SAMMSON: variants seen among roughly 807,000 people sequenced by gnomAD.
SAMMSON encodes the protein survival associated mitochondrial melanoma specific oncogenic non-coding RNA.
chr3:70,048,093 C>G (rs2067133811), intron 3 of SAMMSON, among the ~76,000 whole-genome samples: 1 of 151,976 alleles, frequency 6.6e-6, no homozygotes. Flanking sequence ...AGAGTTTAGA[C>G]TCTGGATTTA....
At chr3:70,416,713 C>A (rs1701267129) in intron 2 of SAMMSON, among the ~76,000 whole-genome samples, 1 of 152,038 alleles carries the variant, frequency 6.6e-6, no homozygotes, top group African/African-American at 2.4e-5. Flanking sequence ...CCACCCTCAT[C>A]TTAAACTGTT....
intron 2 of SAMMSON, among the ~76,000 whole-genome samples, chr3:70,432,645 C>G (rs1257301172): frequency 6.6e-6 from 1 of 151,866 alleles, no homozygotes; most frequent in Non-Finnish European, 1.5e-5. Flanking sequence ...ACTGATGAGC[C>G]AATATTGATG....
intron 4 of SAMMSON, among the ~76,000 whole-genome samples, chr3:70,163,376 G>A (rs1365965065): frequency 6.7e-6 from 1 of 149,584 alleles, no homozygotes; most frequent in African/African-American, 2.4e-5. Context: ...GAGAGAGAGA[G>A]TTATCTTTGG....
chr3:70,254,546 A>G (rs901062028), intron 6 of SAMMSON, among the ~76,000 whole-genome samples: 1 of 152,202 alleles, frequency 6.6e-6, no homozygotes, highest in African/African-American at 2.4e-5. Flanking sequence ...GGAACAATAA[A>G]TACAAATCTA....
intron 1 of SAMMSON, among the ~76,000 whole-genome samples, chr3:70,006,628 A>G (rs1334923520): frequency 6.6e-6 from 1 of 152,134 alleles, no homozygotes; most frequent in Non-Finnish European, 1.5e-5. Context: ...GATCAACCCT[A>G]AGACCTTTCC....
At chr3:70,336,853 TGTGTG>T in intron 7 of SAMMSON, among the ~76,000 whole-genome samples, 1 of 147,814 alleles carries the variant, frequency 6.8e-6, no homozygotes, top group Non-Finnish European at 1.5e-5. Flanking sequence ...TGTGTGTGTG[TGTGTG>T]GAGAGAGAGA....
At chr3:70,404,630 T>A (rs1402447664) in intron 2 of SAMMSON, among the ~76,000 whole-genome samples, 1 of 152,182 alleles carries the variant, frequency 6.6e-6, no homozygotes, top group Non-Finnish European at 1.5e-5. Context: ...CAGATTTGCA[T>A]CCCTGTCATA....
chr3:70,253,662 G>T (rs1459300245), intron 6 of SAMMSON, among the ~76,000 whole-genome samples: 3 of 152,140 alleles, frequency 2.0e-5, no homozygotes, highest in Non-Finnish European at 4.4e-5. Flanking sequence ...GTTCAATGCT[G>T]CAGTGAGCTA....
At chr3:70,332,412 C>T (rs1399166416) in intron 7 of SAMMSON, among the ~76,000 whole-genome samples, 1 of 152,152 alleles carries the variant, frequency 6.6e-6, no homozygotes, top group East Asian at 1.9e-4. Flanking sequence ...CCTCCATCCT[C>T]ATTCTGGTTG....
intron 7 of SAMMSON, among the ~76,000 whole-genome samples, chr3:70,305,293 T>G (rs1702388350): frequency 6.6e-6 from 1 of 152,214 alleles, no homozygotes; most frequent in Non-Finnish European, 1.5e-5. Context: ...TTCACCCCTA[T>G]TTTTGTTATT....
At chr3:70,296,835 A>T (rs1702294411) in intron 7 of SAMMSON, among the ~76,000 whole-genome samples, 1 of 151,956 alleles carries the variant, frequency 6.6e-6, no homozygotes, top group African/African-American at 2.4e-5. Flanking sequence ...TGGTTTTTTT[A>T]AAAGGCATAT....
chr3:70,315,685 A>T (rs1034587876), intron 7 of SAMMSON, among the ~76,000 whole-genome samples: 1 of 152,128 alleles, frequency 6.6e-6, no homozygotes, highest in Non-Finnish European at 1.5e-5. Context: ...ACTAAGATTT[A>T]GTCTCTTGAG....
At chr3:70,352,496 C>T (rs919875792) in intron 7 of SAMMSON, among the ~76,000 whole-genome samples, 1 of 151,912 alleles carries the variant, frequency 6.6e-6, no homozygotes, top group Non-Finnish European at 1.5e-5. Flanking sequence ...GAACACTAAT[C>T]CTAAAATGCT....
intron 4 of SAMMSON, among the ~76,000 whole-genome samples, chr3:70,138,816 A>G (rs1420481445): frequency 6.6e-6 from 1 of 152,190 alleles, no homozygotes; most frequent in Non-Finnish European, 1.5e-5. Context: ...CGTGAAATCA[A>G]ACATATAATG....
intron 4 of SAMMSON, among the ~76,000 whole-genome samples, chr3:70,158,439 G>A (rs1576138579): frequency 6.6e-6 from 1 of 151,810 alleles, no homozygotes; most frequent in Non-Finnish European, 1.5e-5. Flanking sequence ...ACCACATTTT[G>A]AGTATTCATT....
chr3:70,263,390 T>C (rs1701886359), intron 6 of SAMMSON, among the ~76,000 whole-genome samples: 1 of 152,200 alleles, frequency 6.6e-6, no homozygotes, highest in South Asian at 2.1e-4. Flanking sequence ...GGTAGGTCTA[T>C]AGGAATAATT....
At chr3:70,304,689 G>A (rs1258722390) in intron 7 of SAMMSON, among the ~76,000 whole-genome samples, 1 of 151,954 alleles carries the variant, frequency 6.6e-6, no homozygotes, top group Admixed American at 6.6e-5. Flanking sequence ...ACCATCTTTT[G>A]CATGGCCAAC....
At chr3:70,125,678 G>A in intron 4 of SAMMSON, 1 of 697,868 alleles carries the variant, frequency 1.4e-6, no homozygotes, top group Middle Eastern at 3.6e-4. Flanking sequence ...CCTACAGGTT[G>A]TGGTTGGTCA....
intron 4 of SAMMSON, chr3:70,126,696 T>C: frequency 4.0e-6 from 1 of 251,614 alleles, no homozygotes; most frequent in South Asian, 5.1e-5. Flanking sequence ...AGAAGTTAGG[T>C]TTTGTTTTTG....
Sources: gnomAD v4.1 joint callset for allele counts (sites outside exome capture counted in the v4.1 genomes callset) on GRCh38, gnomAD v4.1.1 for gene constraint, MANE v1.5 for transcripts, NCBI Gene and HGNC (gene_info 2026-07-23, HGNC 2026-07-21) for gene names.